Variants in DNAJB1 observed in about 807,000 individuals in gnomAD.
DNAJB1 encodes DnaJ heat shock protein family (Hsp40) member B1.
DNAJB1 carries 14 observed loss-of-function variants against 24.0 expected under a neutral mutation model. That is an observed-to-expected ratio of 0.58 (90% CI 0.39 to 0.91). DNAJB1 has a LOEUF of 0.91. Among genes scored for constraint, DNAJB1 ranks in the 40% least tolerant of loss-of-function variants. The pLI is 0.00. For missense variants in DNAJB1, 517 were observed against 458.1 expected (o/e 1.13, Z -1.17); for synonymous variants, 262 against 174.4 (o/e 1.50, Z -3.96).
chr19:14,515,741 G>A lies in DNAJB1; in HGVS notation c.*199C>T, dbSNP rs1281303537. 1 of 560,086 alleles carries A rather than the reference G, an allele frequency of 1.8e-6. No homozygotes were observed. The highest frequency in any genetic ancestry group is 3.1e-6 in the Non-Finnish European group (1 of 325,888). The allele number at this position is 560,086 out of a possible 1,614,324, so 34.7% of individuals were successfully genotyped here. Reference sequence around the variant, plus strand: ...CCTTTTCCTGCTGTTCCCACCACCTGATGCCCTATAGCTCGAAAAACCACT... The same window carrying A: ...CCTTTTCCTGCTGTTCCCACCACCTAATGCCCTATAGCTCGAAAAACCACT... On this transcript the variant is annotated 3_prime_UTR_variant, in exon 3 of 3. Coordinates refer to ENST00000254322, the MANE Select transcript of DNAJB1 (RefSeq NM_006145.3).
chr19:14,542,723 G>A (rs2073146207), intron 1 of DNAJB1, among the ~76,000 whole-genome samples: 1 of 152,086 alleles, frequency 6.6e-6, no homozygotes. Flanking sequence ...GAAGTGTACC[G>A]TGGATTGCGT....
chr19:14,528,851 T>G (rs2072502004), intron 1 of DNAJB1, among the ~76,000 whole-genome samples: 1 of 151,840 alleles, frequency 6.6e-6, no homozygotes, highest in African/African-American at 2.4e-5. Context: ...GGCTGAGGCA[T>G]GAGAATCGCT....
chr19:14,545,398 T>C (rs2073268971), intron 1 of DNAJB1, among the ~76,000 whole-genome samples: 1 of 136,310 alleles, frequency 7.3e-6, no homozygotes, highest in Non-Finnish European at 1.7e-5. Flanking sequence ...ACTGTGGCCC[T>C]CTGGGCCCTC....
At chr19:14,529,635 G>C (rs776105806), upstream of DNAJB1, 4 of 1,613,120 alleles carry the variant, frequency 2.5e-6, no homozygotes, top group Non-Finnish European at 3.4e-6. Context: ...TAGGGAGCCT[G>C]TGCTGTGCCG....
upstream of DNAJB1, among the ~76,000 whole-genome samples, chr19:14,534,239 C>T (rs539308406): frequency 9.9e-4 from 150 of 151,830 alleles, no homozygotes; most frequent in Admixed American, 9.6e-3. Flanking sequence ...ATTCTCCTGC[C>T]TCAGCCTCCC....
rs1423811338 is a variant in DNAJB1 at position 14,516,939 on chromosome 19, C to A, written c.319G>T (p.Gly107Cys). 1 of 1,613,816 alleles carries A rather than the reference C, an allele frequency of 6.2e-7. No individual in the cohort carries two copies. Among genetic ancestry groups the A allele is most frequent in the Non-Finnish European group, 8.5e-7 (1 of 1,180,022 alleles). Residue 107 changes from glycine to cysteine, a missense_variant, in exon 2 of 3, where the codon GGT becomes TGT. Transcript: ENST00000254322. ...AAGGTGTCAAAGGGATTTCTGCCAC[C>A]GAAGAACTCAGCAAACATGGCATGA... ...DPHAMFAEFF[G>C]GRNPFDTFFG...
chr19:14,530,653 A>T (rs1384293029), upstream of DNAJB1: 1 of 152,150 alleles, frequency 6.6e-6, no homozygotes, highest in Non-Finnish European at 1.5e-5. Context: ...TGCAAAACAG[A>T]TAGGGGAACT....
At chr19:14,551,798 A>G (rs1464858563), upstream of DNAJB1, among the ~76,000 whole-genome samples, 1 of 151,924 alleles carries the variant, frequency 6.6e-6, no homozygotes, top group Admixed American at 6.6e-5. Context: ...GATCGCATCC[A>G]GGGTGGTGGG....
chr19:14,540,359 T>C, intron 1 of DNAJB1, among the ~76,000 whole-genome samples: 1 of 152,080 alleles, frequency 6.6e-6, no homozygotes, highest in Non-Finnish European at 1.5e-5. Flanking sequence ...TGAGCCACTG[T>C]GCCTGGCTAA....
intron 1 of DNAJB1, among the ~76,000 whole-genome samples, chr19:14,528,252 CTTTTTTT>C (rs71166752): frequency 3.0e-5 from 4 of 133,322 alleles, no homozygotes; most frequent in South Asian, 2.4e-4. Flanking sequence ...TTTCTTTTTT[CTTTTTTT>C]TTTTTTGAGA....
chr19:14,518,295 C>G lies in DNAJB1; in HGVS notation c.55G>C (p.Glu19Gln). Residue 19 changes from glutamate to glutamine, a missense_variant, in exon 1 of 3, where the codon GAG becomes CAG. Glu to Gln is a conservative substitution (Grantham distance 29, BLOSUM62 2). Coordinates refer to ENST00000254322, the MANE Select transcript of DNAJB1 (RefSeq NM_006145.3). ...TGGCGGCGGTAGGCCCGCTTGATCT[C>G]CTCGTCCGACGCGCCGCGGGCCAGG... ...LGLARGASDEEIKRAYRRQAL... is the reference protein window; with the variant it reads ...LGLARGASDEQIKRAYRRQAL... 1 of 1,609,000 alleles carries G rather than the reference C, an allele frequency of 6.2e-7. No individual in the cohort carries two copies. Among genetic ancestry groups the G allele is most frequent in the Non-Finnish European group, 8.5e-7 (1 of 1,179,000 alleles).
At chr19:14,551,345 G>C (rs2073497532), upstream of DNAJB1, among the ~76,000 whole-genome samples, 2 of 152,166 alleles carry the variant, frequency 1.3e-5, no homozygotes, top group African/African-American at 4.8e-5. Flanking sequence ...AGAGTACTGG[G>C]ATTACAGGCG....
At chr19:14,530,312 A>G (rs74430226), upstream of DNAJB1, 1 of 155,886 alleles carries the variant, frequency 6.4e-6, no homozygotes, top group East Asian at 1.9e-4. Context: ...ATACCCACCC[A>G]CAGCCACTCT....
At chr19:14,532,638 A>G (rs1044276968), upstream of DNAJB1, 4 of 151,962 alleles carry the variant, frequency 2.6e-5, no homozygotes, top group African/African-American at 9.7e-5. Context: ...CCAAGTACCC[A>G]TAGAGGCGAT....
chr19:14,517,423 G>T, intron 1 of DNAJB1: 1 of 191,192 alleles, frequency 5.2e-6, no homozygotes, highest in Non-Finnish European at 1.1e-5. Context: ...CTAATGGTGC[G>T]TAGGAAGAGA....
At chr19:14,528,477 A>T (rs964123301) in intron 1 of DNAJB1, among the ~76,000 whole-genome samples, 1 of 151,358 alleles carries the variant, frequency 6.6e-6, no homozygotes, top group Non-Finnish European at 1.5e-5. Flanking sequence ...TCACCTCGTG[A>T]TCTGCCCCCC....
rs1489328121 is a variant in DNAJB1 at position 14,515,803 on chromosome 19, T to C, written c.*137A>G. On this transcript the variant is annotated 3_prime_UTR_variant, in exon 3 of 3. Transcript: ENST00000254322. Reference sequence around the variant, plus strand: ...TGCGACTTTGAAAGATTGTAATATATGCTCTGGAAAACATTCAGCAGTACG... The same window carrying C: ...TGCGACTTTGAAAGATTGTAATATACGCTCTGGAAAACATTCAGCAGTACG... 2.5e-6 allele frequency: 2 copies of C among 787,068 alleles called. No individual in the cohort carries two copies. Among genetic ancestry groups the C allele is most frequent in the African/African-American group, 1.8e-5 (1 of 56,410 alleles). 48.8% of individuals were successfully genotyped at this position (787,068 alleles called of 1,614,324 possible). A position where few individuals can be genotyped will look rare whatever the true frequency, so the allele number is the denominator to read the frequency against.
rs2072249336 is a variant in DNAJB1 at position 14,515,926 on chromosome 19, G to A, written c.*14C>T. 2 of 1,604,420 alleles carry A rather than the reference G, an allele frequency of 1.2e-6. No individual in the cohort carries two copies. Among genetic ancestry groups the A allele is most frequent in the Non-Finnish European group, 1.7e-6 (2 of 1,176,756 alleles). On this transcript the variant is annotated 3_prime_UTR_variant, in exon 3 of 3. Transcript: ENST00000254322. ...TGGAAAGGTCCCTGGTCAGTCCTTG[G>A]GGAGCTCAGATAGCTATATTGGAAG...
chr19:14,517,112 A>AGG (rs1483224146), intron 1 of DNAJB1, 66 bp from the exon 2 acceptor site: 5 of 1,504,770 alleles, frequency 3.3e-6, no homozygotes, highest in Non-Finnish European at 4.5e-6. Flanking sequence ...CTTCCCTTAC[A>AGG]GGGGGAAACA....
Sources: gnomAD v4.1 joint callset for allele counts (sites outside exome capture counted in the v4.1 genomes callset) on GRCh38, gnomAD v4.1.1 for gene constraint, MANE v1.5 for transcripts, NCBI Gene and HGNC (gene_info 2026-07-23, HGNC 2026-07-21) for gene names.